The following ALDH1L1 variants were observed in gnomAD, a reference collection of about 807,000 sequenced individuals.
ALDH1L1 encodes cytosolic 10-formyltetrahydrofolate dehydrogenase.
Under a neutral mutation model 101.1 loss-of-function variants are expected in ALDH1L1, and 68 were observed. The ratio of observed to expected loss-of-function variants is 0.67; its 90% CI spans 0.55 to 0.82. The LOEUF (loss-of-function observed/expected upper bound fraction) is 0.82. Among genes scored for constraint, ALDH1L1 ranks in the 40% least tolerant of loss-of-function variants. The probability of loss-of-function intolerance (pLI) is 0.00; values close to 1 mark genes in which losing one functional copy is unlikely to be tolerated. For synonymous variants in ALDH1L1, 486 were observed against 470.8 expected (o/e 1.03, Z -0.42); for missense variants, 1,087 against 1,172.7 (o/e 0.93, Z 1.07).
At chr3:126,135,481 A>T (rs1310354862) in intron 12 of ALDH1L1, 54 bp downstream of exon 12, 1 of 1,564,062 alleles carries the variant, frequency 6.4e-7, no homozygotes, top group Non-Finnish European at 8.6e-7. Flanking sequence ...CCCCCGTGCC[A>T]CTGCCCAGAA....
At chr3:126,169,180 A>C (rs1347393987) in intron 1 of ALDH1L1, among the ~76,000 whole-genome samples, 1 of 152,190 alleles carries the variant, frequency 6.6e-6, no homozygotes, top group Non-Finnish European at 1.5e-5. Flanking sequence ...CCTTTTCCTT[A>C]GAATGCTGCT....
chr3:126,146,736 T>C (rs1190502971), intron 9 of ALDH1L1, 99 bp downstream of exon 9: 79 of 1,309,272 alleles, frequency 6.0e-5, no homozygotes, highest in Non-Finnish European at 8.2e-5. Context: ...ACATGATCCA[T>C]GAGTGTAACA....
rs1559940472 is a variant in ALDH1L1 at position 126,136,799 on chromosome 3, T to G, written c.1309A>C (p.Lys437Gln). ...GGEFVDAEGA[K>Q]TSETINPTDG... ...GTGGGATTGATGGTCTCAGAGGTCT[T>G]GGCGCCCTCGGCATCCACGAACTCC... is the stretch of plus-strand genomic sequence containing the variant. Residue 437 changes from lysine to glutamine, a missense_variant, in exon 11 of 23, where the codon AAG (lysine) becomes CAG (glutamine). Physicochemically the swap from Lys to Gln is moderately conservative, Grantham distance 53. This residue lies in a region of ALDH1L1 where 645 missense variants were observed against 637.0 expected (regional missense o/e 1.01). Transcript: ENST00000393434. 1 of 1,592,044 alleles carries G rather than the reference T, an allele frequency of 6.3e-7. No homozygotes were observed. Among genetic ancestry groups the G allele is most frequent in the Non-Finnish European group, 8.6e-7 (1 of 1,168,820 alleles).
intron 20 of ALDH1L1, 73 bp from the exon 21 acceptor site, chr3:126,107,319 G>T: frequency 7.7e-7 from 1 of 1,298,858 alleles, no homozygotes. Flanking sequence ...CGTCAGCAGG[G>T]CCTGGGCCAC....
rs1302576784 is a variant in ALDH1L1 at position 126,150,533 on chromosome 3, T to G, written c.859-2A>C. ...CAGCTGAATATTCTTCACCAGCAGC[T>G]GCAAAAGGAAGGATTTCTTTTCTTT... is the stretch of plus-strand genomic sequence containing the variant. On this transcript the variant is annotated splice_acceptor_variant, in intron 7 of 22. Transcript: ENST00000393434. LOFTEE classifies it high-confidence loss of function. 2 of 1,550,346 alleles carry G rather than the reference T, an allele frequency of 1.3e-6. No individual in the cohort carries two copies.
upstream of ALDH1L1, among the ~76,000 whole-genome samples, chr3:126,184,166 AG>A (rs1430739870): frequency 1.3e-5 from 2 of 152,202 alleles, no homozygotes; most frequent in African/African-American, 4.8e-5. Flanking sequence ...GGCAGAAGCC[AG>A]CTTGTCCCTG....
intron 1 of ALDH1L1, among the ~76,000 whole-genome samples, chr3:126,175,554 C>T (rs933644265): frequency 3.9e-5 from 6 of 152,090 alleles, no homozygotes; most frequent in African/African-American, 1.4e-4. Context: ...ATTTGAAAAT[C>T]AATTAATGTA....
At chr3:126,136,183 G>A (rs72967724) in intron 11 of ALDH1L1, among the ~76,000 whole-genome samples, 2,413 of 152,282 alleles carry the variant, frequency 0.016, 64 homozygotes, top group African/African-American at 0.055. Context: ...CTCATTTTGA[G>A]TGTGCTCTCT....
chr3:126,130,187 C>CCG, intron 14 of ALDH1L1, 36 bp downstream of exon 14: 1 of 1,571,942 alleles, frequency 6.4e-7, no homozygotes, highest in Non-Finnish European at 8.6e-7. Context: ...ATGGAAAGCA[C>CCG]CGCGAGGCTG....
At chr3:126,172,805 G>T (rs563877107) in intron 1 of ALDH1L1, among the ~76,000 whole-genome samples, 48 of 150,840 alleles carry the variant, frequency 3.2e-4, no homozygotes, top group African/African-American at 1.1e-3. Flanking sequence ...TATTCAAACT[G>T]CAAAAAATAA....
At chr3:126,105,972 G>C in intron 21 of ALDH1L1, 47 bp from the exon 22 acceptor site, 9 of 1,585,454 alleles carry the variant, frequency 5.7e-6, no homozygotes, top group Non-Finnish European at 6.9e-6. Context: ...GTGCAGAGGA[G>C]AGCCTGGCCC....
chr3:126,157,655 A>C (rs2080942855), intron 3 of ALDH1L1, 147 bp from the exon 4 acceptor site: 1 of 843,276 alleles, frequency 1.2e-6, no homozygotes. Context: ...AAACGGAAGA[A>C]GGAAAACAGC....
intron 20 of ALDH1L1, among the ~76,000 whole-genome samples, 181 bp from the exon 21 acceptor site, chr3:126,107,427 C>G (rs976840414): frequency 1.3e-5 from 2 of 152,330 alleles, no homozygotes; most frequent in East Asian, 3.9e-4. Context: ...CTGGCTTGTT[C>G]TTTGATGTGG....
intron 9 of ALDH1L1, among the ~76,000 whole-genome samples, chr3:126,145,672 G>C (rs1576455158): frequency 6.6e-6 from 1 of 152,328 alleles, no homozygotes; most frequent in African/African-American, 2.4e-5. Flanking sequence ...GCTGGGGCTA[G>C]GGAGAAGGAA....
At chr3:126,180,311 C>G (rs1447408775) in intron 1 of ALDH1L1, 165 bp downstream of exon 1, 1 of 359,000 alleles carries the variant, frequency 2.8e-6, no homozygotes, top group Admixed American at 6.4e-5. Flanking sequence ...CGGACCCGTA[C>G]CCCGAGCCCG....
At chr3:126,107,009 G>T in intron 21 of ALDH1L1, 132 bp downstream of exon 21, 4 of 775,108 alleles carry the variant, frequency 5.2e-6, no homozygotes, top group Non-Finnish European at 8.6e-6. Flanking sequence ...CACAAGCGGG[G>T]TGTCCACGGC....
At chr3:126,178,070 C>T (rs1315162873) in intron 1 of ALDH1L1, among the ~76,000 whole-genome samples, 2 of 150,770 alleles carry the variant, frequency 1.3e-5, no homozygotes, top group Non-Finnish European at 3.0e-5. Flanking sequence ...CAAAAATATC[C>T]TATCAATGCA....
chr3:126,185,136 G>A (rs2081506626), upstream of ALDH1L1, among the ~76,000 whole-genome samples: 1 of 152,206 alleles, frequency 6.6e-6, no homozygotes, highest in African/African-American at 2.4e-5. Flanking sequence ...ACACACCAGA[G>A]CCCACCTGAT....
At chr3:126,121,655 C>T (rs2080081823) in intron 16 of ALDH1L1, among the ~76,000 whole-genome samples, 1 of 152,172 alleles carries the variant, frequency 6.6e-6, no homozygotes, top group South Asian at 2.1e-4. Context: ...GGAAATTCTT[C>T]TAAGGGCATA....
Sources: gnomAD v4.1 joint callset for allele counts (sites outside exome capture counted in the v4.1 genomes callset) on GRCh38, gnomAD v4.1.1 for gene constraint, gnomAD v4.1.1 regional missense constraint, MANE v1.5 for transcripts, NCBI Gene and HGNC (gene_info 2026-07-23, HGNC 2026-07-21) for gene names.